ADCY5: variants seen among roughly 807,000 people sequenced by gnomAD.
ADCY5 encodes the protein adenylate cyclase type 5.
ADCY5 carries 30 observed loss-of-function variants against 119.7 expected under a neutral mutation model. The observed-to-expected ratio is 0.25, with a 90% CI of 0.19 to 0.34. The LOEUF (loss-of-function observed/expected upper bound fraction) is 0.34. Among genes scored for constraint, ADCY5 ranks in the 10% least tolerant of loss-of-function variants. The probability of loss-of-function intolerance (pLI) is 1.00; values close to 1 mark genes in which losing one functional copy is unlikely to be tolerated. For synonymous variants in ADCY5, 753 were observed against 762.2 expected (o/e 0.99, Z 0.20); for missense variants, 1,324 against 1,775.2 (o/e 0.75, Z 4.57).
chr3:123,408,890 G>C (rs1385570689), intron 1 of ADCY5, among the ~76,000 whole-genome samples: 1 of 142,504 alleles, frequency 7.0e-6, no homozygotes. Context: ...CAGGAGAATC[G>C]TTTGAACCCA....
chr3:123,335,845 A>G (rs1411770709), intron 3 of ADCY5, among the ~76,000 whole-genome samples: 1 of 152,210 alleles, frequency 6.6e-6, no homozygotes, highest in African/African-American at 2.4e-5. Flanking sequence ...CTGTTTCCCC[A>G]AATCCTGGCT....
chr3:123,411,217 C>G lies in ADCY5; in HGVS notation c.1134+36195G>C, dbSNP rs77804265. On this transcript the variant is annotated intron_variant, in intron 1 of 20. Coordinates refer to ENST00000462833, the MANE Select transcript of ADCY5 (RefSeq NM_183357.3). ...GCCTCCTGGAATCCACAGTCAAGGGCGTACTAGTGCCTGCTTCGAGGAGAG... is the reference window on the plus strand; with the variant it reads ...GCCTCCTGGAATCCACAGTCAAGGGGGTACTAGTGCCTGCTTCGAGGAGAG... Among the ~76,000 whole-genome samples the G allele has an allele frequency of 4.5e-3, 692 of 152,312 alleles. 7 individuals carry two copies. The highest frequency in any genetic ancestry group is 0.016 in the African/African-American group (648 of 41,568).
intron 1 of ADCY5, among the ~76,000 whole-genome samples, chr3:123,383,938 C>T (rs1944124738): frequency 6.8e-6 from 1 of 147,574 alleles, no homozygotes; most frequent in Non-Finnish European, 1.5e-5. Flanking sequence ...CACACACACA[C>T]ACACCCTTCT....
intron 3 of ADCY5, among the ~76,000 whole-genome samples, chr3:123,335,452 G>C (rs1048719541): frequency 6.6e-6 from 1 of 152,172 alleles, no homozygotes. Context: ...TAACCACCCC[G>C]TCAGGAAATG....
chr3:123,293,953 G>C (rs946596428), intron 17 of ADCY5, among the ~76,000 whole-genome samples: 14 of 152,216 alleles, frequency 9.2e-5, no homozygotes, highest in Non-Finnish European at 7.3e-5. Context: ...GAAAGCACAA[G>C]ATTAGCCTGC....
rs6148049 is a variant in ADCY5, at chr3:123,358,155, CGTGTGTGTGTGT to C, written c.1135-5586_1135-5575del. On this transcript the variant is annotated intron_variant, in intron 1 of 20. Transcript: ENST00000462833. Reference sequence around the variant, plus strand: ...GGGACACATCTAACCACATGGAACACGTGTGTGTGTGTGTGTGTGTGTGTGTGTGTGTGTGTG... The same window carrying C: ...GGGACACATCTAACCACATGGAACACGTGTGTGTGTGTGTGTGTGTGTGTG... Among the ~76,000 whole-genome samples the C allele has an allele frequency of 4.7e-4, 66 of 140,968 alleles. 1 individual carries two copies. The highest frequency in any genetic ancestry group is 1.8e-3 in the African/African-American group (63 of 35,284). 92.5% of individuals were successfully genotyped at this position (140,968 alleles called of 152,430 possible). A position where few individuals can be genotyped will look rare whatever the true frequency, so the allele number is the denominator to read the frequency against.
intron 1 of ADCY5, among the ~76,000 whole-genome samples, chr3:123,374,541 A>C (rs1943753338): frequency 6.6e-6 from 1 of 152,182 alleles, no homozygotes; most frequent in Non-Finnish European, 1.5e-5. Context: ...AGGCACAGTG[A>C]AGTTAAGCAA....
chr3:123,289,417 C>G (rs532422941), intron 19 of ADCY5, among the ~76,000 whole-genome samples: 38 of 152,384 alleles, frequency 2.5e-4, no homozygotes, highest in Non-Finnish European at 4.4e-4. Flanking sequence ...GAGCATCCCC[C>G]ACAAAGCCCT....
At chr3:123,347,706 T>G (rs183144882) in intron 3 of ADCY5, 76 bp downstream of exon 3, 3 of 1,185,304 alleles carry the variant, frequency 2.5e-6, no homozygotes, top group Non-Finnish European at 3.4e-6. Flanking sequence ...TGTGCCCACT[T>G]GAAAGGAAGT....
chr3:123,440,553 C>T (rs1945705435), intron 1 of ADCY5, among the ~76,000 whole-genome samples: 1 of 151,884 alleles, frequency 6.6e-6, no homozygotes, highest in Non-Finnish European at 1.5e-5. Context: ...ACTCACAGTT[C>T]CAATCTCCTC....
At position 123,428,104 on chromosome 3, in the gene ADCY5, C is replaced by A. The variant is rs143613357; in HGVS notation, c.1134+19308G>T. Among the ~76,000 whole-genome samples, 4 of 152,308 alleles carry A rather than the reference C, an allele frequency of 2.6e-5. No individual in the cohort carries two copies. In the South Asian group the frequency reaches 8.3e-4, roughly 32 times the overall value. ...TAGAAAGAAATATGTGAGAACCATG[C>A]GCCACCTGGCCTTGTGACTCTCTGC... On this transcript the variant is annotated intron_variant, in intron 1 of 20. Transcript: ENST00000462833.
intron 1 of ADCY5, among the ~76,000 whole-genome samples, chr3:123,365,786 TGAAGGTGACTCTG>T (rs1943416316): frequency 6.6e-6 from 1 of 151,920 alleles, no homozygotes; most frequent in Non-Finnish European, 1.5e-5. Flanking sequence ...GGACGGTGAA[TGAAGGTGACTCTG>T]GATGTTTGGC....
intron 12 of ADCY5, among the ~76,000 whole-genome samples, chr3:123,306,705 T>C (rs1940217768): frequency 1.3e-5 from 2 of 152,258 alleles, no homozygotes; most frequent in East Asian, 3.9e-4. Context: ...AAATCAAGCA[T>C]AGAATTATCA....
chr3:123,354,450 G>A (rs923797213), intron 1 of ADCY5, among the ~76,000 whole-genome samples: 1 of 152,194 alleles, frequency 6.6e-6, no homozygotes, highest in Admixed American at 6.5e-5. Context: ...GAAAGTCCAG[G>A]AAGAAATAGA....
rs977612868 is a variant in ADCY5, at chr3:123,448,529, C to T, written c.17G>A (p.Ser6Asn). The T allele has an allele frequency of 1.7e-5, 21 of 1,265,706 alleles. No homozygotes were observed. The highest frequency in any genetic ancestry group is 2.0e-6 in the Non-Finnish European group (2 of 1,007,130). 78.4% of individuals were successfully genotyped at this position (1,265,706 alleles called of 1,614,324 possible). A position where few individuals can be genotyped will look rare whatever the true frequency, so the allele number is the denominator to read the frequency against. MSGSK[S>N]VSPPGYAAQK... Reference sequence around the variant, plus strand: ...CGCCGCGTAGCCCGGGGGGCTCACGCTTTTGGAGCCGGACATCCCCCCCTC... The same window carrying T: ...CGCCGCGTAGCCCGGGGGGCTCACGTTTTTGGAGCCGGACATCCCCCCCTC... The change falls in exon 1 of 21, where the codon AGC (serine) becomes AAC (asparagine). Residue 6 changes from serine (S) to asparagine (N), a missense_variant. Transcript: ENST00000462833.
intron 1 of ADCY5, among the ~76,000 whole-genome samples, chr3:123,424,751 G>GGT (rs140536754): frequency 7.4e-4 from 112 of 151,888 alleles, no homozygotes; most frequent in African/African-American, 2.4e-3. Context: ...AGGTTTGAAG[G>GGT]GTGTGTGTGT....
chr3:123,305,358 T>C (rs1940143452), intron 12 of ADCY5, among the ~76,000 whole-genome samples: 1 of 152,186 alleles, frequency 6.6e-6, no homozygotes. Flanking sequence ...AAGTAGGTCA[T>C]GGGGCCATAG....
At chr3:123,358,475 A>C (rs1576619745) in intron 1 of ADCY5, among the ~76,000 whole-genome samples, 1 of 152,236 alleles carries the variant, frequency 6.6e-6, no homozygotes, top group East Asian at 1.9e-4. Flanking sequence ...AAAATTCACC[A>C]GGTAGTCCCA....
intron 18 of ADCY5, among the ~76,000 whole-genome samples, chr3:123,290,595 G>C (rs76411501): frequency 6.6e-6 from 1 of 152,224 alleles, no homozygotes; most frequent in African/African-American, 2.4e-5. Context: ...GTATGAGAAG[G>C]AAATGAAGGA....
Sources: gnomAD v4.1 joint callset for allele counts (sites outside exome capture counted in the v4.1 genomes callset) on GRCh38, gnomAD v4.1.1 for gene constraint, MANE v1.5 for transcripts, NCBI Gene and HGNC (gene_info 2026-07-23, HGNC 2026-07-21) for gene names.